Variants in WWP2 observed in about 807,000 individuals in gnomAD.
The protein encoded by WWP2 is NEDD4-like E3 ubiquitin-protein ligase WWP2.
Under a neutral mutation model 121.0 loss-of-function variants are expected in WWP2, and 57 were observed. The ratio of observed to expected loss-of-function variants is 0.47; its 90% CI spans 0.38 to 0.59. WWP2 has a LOEUF of 0.59. Ranked by LOEUF, WWP2 falls within the 20% of genes least tolerant of loss-of-function variation. The probability of loss-of-function intolerance (pLI) is 0.00; values close to 1 mark genes in which losing one functional copy is unlikely to be tolerated. For missense variants in WWP2, 962 were observed against 1,158.9 expected (o/e 0.83, Z 2.47); for synonymous variants, 449 against 441.3 (o/e 1.02, Z -0.22).
chr16:69,851,760 C>T (rs1417327725), intron 6 of WWP2, among the ~76,000 whole-genome samples: 1 of 152,038 alleles, frequency 6.6e-6, no homozygotes, highest in Admixed American at 6.6e-5. Flanking sequence ...GCAGGCATAT[C>T]GCAAGGTCAA....
At position 69,941,060 on chromosome 16, in the gene WWP2, G is replaced by A. The variant is rs1367728976; in HGVS notation, c.*1120G>A. 2 of 152,706 alleles carry A rather than the reference G, an allele frequency of 1.3e-5. No individual in the cohort carries two copies. Among genetic ancestry groups the A allele is most frequent in the Non-Finnish European group, 2.9e-5 (2 of 68,082 alleles). 9.5% of individuals were successfully genotyped at this position (152,706 alleles called of 1,614,324 possible). On this transcript the variant is annotated 3_prime_UTR_variant, in exon 24 of 24. Transcript: ENST00000359154. The stretch of plus-strand genomic sequence containing the variant: ...ATGGAGTGCAGCCCGCCAGCGGAAA[G>A]TGTTCATTCTGCATAGGTGTGAGGC...
intron 6 of WWP2, among the ~76,000 whole-genome samples, chr16:69,845,939 A>T (rs2057066745): frequency 6.7e-6 from 1 of 149,102 alleles, no homozygotes; most frequent in Non-Finnish European, 1.5e-5. Context: ...AATCCCAGCT[A>T]CTCAGAAGGC....
At chr16:69,923,454 TG>T (rs2058594274) in intron 10 of WWP2, among the ~76,000 whole-genome samples, 1 of 152,184 alleles carries the variant, frequency 6.6e-6, no homozygotes, top group South Asian at 2.1e-4. Context: ...AGAAAAGGGC[TG>T]ATCAGTATTT....
chr16:69,876,275 A>C (rs2057733723), intron 7 of WWP2, among the ~76,000 whole-genome samples: 1 of 151,340 alleles, frequency 6.6e-6, no homozygotes, highest in Non-Finnish European at 1.5e-5. Context: ...TTTTGGCCAC[A>C]TCCATCAGAG....
intron 4 of WWP2, among the ~76,000 whole-genome samples, chr16:69,827,126 T>C (rs574937174): frequency 6.6e-5 from 10 of 150,912 alleles, no homozygotes; most frequent in Non-Finnish European, 4.4e-5. Context: ...TGCATACATG[T>C]CTAATGTTTA....
At chr16:69,901,239 C>T (rs1040576790) in intron 8 of WWP2, among the ~76,000 whole-genome samples, 3 of 152,196 alleles carry the variant, frequency 2.0e-5, no homozygotes, top group Admixed American at 6.5e-5. Context: ...ATTATAGGAG[C>T]ATAGAATACA....
intron 4 of WWP2, among the ~76,000 whole-genome samples, chr16:69,809,634 G>A (rs2056349584): frequency 6.6e-6 from 1 of 152,120 alleles, no homozygotes; most frequent in African/African-American, 2.4e-5. Context: ...TGGACGTGGT[G>A]GTGTGTATTT....
chr16:69,813,783 T>G (rs1343324732), intron 4 of WWP2, among the ~76,000 whole-genome samples: 1 of 152,184 alleles, frequency 6.6e-6, no homozygotes, highest in East Asian at 1.9e-4. Flanking sequence ...TGGTGTTGAT[T>G]TCATGCTAAA....
intron 21 of WWP2, among the ~76,000 whole-genome samples, chr16:69,938,644 G>A (rs2058834906): frequency 6.6e-6 from 1 of 152,102 alleles, no homozygotes; most frequent in South Asian, 2.1e-4. Flanking sequence ...GTGGCTTCCA[G>A]TACATTCACA....
intron 6 of WWP2, among the ~76,000 whole-genome samples, chr16:69,852,902 C>G (rs1466227034): frequency 1.3e-5 from 2 of 152,122 alleles, no homozygotes; most frequent in African/African-American, 4.8e-5. Context: ...GTAGTTAGAA[C>G]AGAGATCTTA....
At chr16:69,933,160 C>T (rs771611815) in intron 16 of WWP2, 2 of 499,222 alleles carry the variant, frequency 4.0e-6, no homozygotes, top group South Asian at 1.5e-5. Context: ...GGTAGAACCA[C>T]GGACAGGATA....
chr16:69,762,849 T>C (rs1170276120), intron 1 of WWP2, among the ~76,000 whole-genome samples: 7 of 152,154 alleles, frequency 4.6e-5, no homozygotes. Context: ...CTCCCTTCCT[T>C]CCTGTTTGGA....
chr16:69,808,440 C>T (rs1192553749), intron 4 of WWP2, among the ~76,000 whole-genome samples: 7 of 151,724 alleles, frequency 4.6e-5, no homozygotes, highest in African/African-American at 9.7e-5. Context: ...TCACTCTTGT[C>T]GCCCAGGCTG....
chr16:69,838,077 CAAAACAA>C (rs1047929779), intron 4 of WWP2, among the ~76,000 whole-genome samples: 11 of 151,700 alleles, frequency 7.3e-5, no homozygotes, highest in Non-Finnish European at 1.5e-4. Flanking sequence ...AATTAAAAAG[CAAAACAA>C]AAAACAAATA....
chr16:69,877,567 G>A (rs182098457), intron 7 of WWP2, among the ~76,000 whole-genome samples: 1 of 151,866 alleles, frequency 6.6e-6, no homozygotes, highest in African/African-American at 2.4e-5. Context: ...CTTTGCATTC[G>A]CAACTTGGCT....
chr16:69,857,855 G>A (rs1446340485), intron 6 of WWP2, among the ~76,000 whole-genome samples: 1 of 151,736 alleles, frequency 6.6e-6, no homozygotes, highest in Non-Finnish European at 1.5e-5. Flanking sequence ...TGTAGTGACA[G>A]TGTCTTCCTG....
chr16:69,929,332 G>A (rs2058679819), intron 11 of WWP2, 116 bp from the exon 12 acceptor site: 1 of 898,916 alleles, frequency 1.1e-6, no homozygotes, highest in Non-Finnish European at 1.7e-6. Flanking sequence ...TTCTCTAACA[G>A]GCTGACAACA....
chr16:69,940,741 A>G lies in WWP2; in HGVS notation c.*801A>G, dbSNP rs2058869464. 1 of 152,638 alleles carries G rather than the reference A, an allele frequency of 6.6e-6. No homozygotes were observed. Among genetic ancestry groups the G allele is most frequent in the Non-Finnish European group, 1.5e-5 (1 of 68,032 alleles). The allele number at this position is 152,638 out of a possible 1,614,324, so 9.5% of individuals were successfully genotyped here. ...TGAGGGACCCAGACCTTTGGGTCCAAGAGTTTCCCAAACAGCCACGCCTCT... is the reference window on the plus strand; with the variant it reads ...TGAGGGACCCAGACCTTTGGGTCCAGGAGTTTCCCAAACAGCCACGCCTCT... On this transcript the variant is annotated 3_prime_UTR_variant, in exon 24 of 24. Coordinates refer to ENST00000359154, the MANE Select transcript of WWP2 (RefSeq NM_001270454.2).
intron 7 of WWP2, among the ~76,000 whole-genome samples, chr16:69,880,776 T>C (rs1437323641): frequency 6.6e-6 from 1 of 152,198 alleles, no homozygotes; most frequent in African/African-American, 2.4e-5. Flanking sequence ...ACTGCTTTAC[T>C]GTGGCCCACA....
Sources: gnomAD v4.1 joint callset for allele counts (sites outside exome capture counted in the v4.1 genomes callset) on GRCh38, gnomAD v4.1.1 for gene constraint, MANE v1.5 for transcripts, NCBI Gene and HGNC (gene_info 2026-07-23, HGNC 2026-07-21) for gene names.